The following ADAMTS6 variants were observed in gnomAD, a reference collection of about 807,000 sequenced individuals.
ADAMTS6 encodes A disintegrin and metalloproteinase with thrombospondin motifs 6.
Under a neutral mutation model 144.3 loss-of-function variants are expected in ADAMTS6, and 23 were observed. The observed-to-expected ratio is 0.16, with a 90% CI of 0.11 to 0.23. The LOEUF is 0.23. Among genes scored for constraint, ADAMTS6 ranks in the 10% least tolerant of loss-of-function variants. The probability of loss-of-function intolerance (pLI) is 1.00; values close to 1 mark genes in which losing one functional copy is unlikely to be tolerated. For synonymous variants in ADAMTS6, 444 were observed against 457.5 expected (o/e 0.97, Z 0.38); for missense variants, 999 against 1,379.6 (o/e 0.72, Z 4.37).
chr5:65,478,087 AC>A (rs1411834788), intron 1 of ADAMTS6, among the ~76,000 whole-genome samples: 1 of 151,968 alleles, frequency 6.6e-6, no homozygotes, highest in African/African-American at 2.4e-5. Context: ...AGATCACGCC[AC>A]TGCACTGCAG....
chr5:65,415,156 T>C (rs1036241393), intron 7 of ADAMTS6, among the ~76,000 whole-genome samples: 6 of 152,032 alleles, frequency 3.9e-5, no homozygotes, highest in African/African-American at 1.4e-4. Context: ...AATAACTCAA[T>C]CAAGAAATGA....
Position 65,480,984 on chromosome 5 carries a change from C to T in ADAMTS6, c.-280+359G>A, listed in dbSNP as rs33393. 1.5e-3 allele frequency among the ~76,000 whole-genome samples: 224 copies of T among 152,192 alleles called. 3 individuals are homozygous for T. In the East Asian group the frequency reaches 0.039, roughly 27 times the overall value. On this transcript the variant is annotated intron_variant, in intron 1 of 24. Coordinates refer to ENST00000381055, the MANE Select transcript of ADAMTS6 (RefSeq NM_197941.4). The stretch of plus-strand genomic sequence containing the variant: ...AAGAAAACTGGAAATCAATTTAAAA[C>T]ACACACATCATTATTACCTTCCGGA...
Position 65,471,154 on chromosome 5 carries a change from C to T in ADAMTS6, c.98-12G>A, listed in dbSNP as rs761048528. On this transcript the variant is annotated splice_polypyrimidine_tract_variant and intron_variant, in intron 2 of 24. Transcript: ENST00000381055. The stretch of plus-strand genomic sequence containing the variant: ...AGTCAGGAATTCCTCTTTGTAATCA[C>T]AAGGCAGAGAATCCAGAAAAAAAAC... 9.0e-6 allele frequency: 14 copies of T among 1,563,952 alleles called. No homozygotes were observed. In the East Asian group the frequency reaches 3.0e-4, roughly 34 times the overall value.
intron 23 of ADAMTS6, 21 bp from the exon 24 acceptor site, chr5:65,170,794 A>T: frequency 1.2e-6 from 2 of 1,600,984 alleles, no homozygotes; most frequent in Non-Finnish European, 1.7e-6. Context: ...AGACACAAAG[A>T]AACAAAATAT....
chr5:65,434,800 G>A (rs1414446113), intron 7 of ADAMTS6, among the ~76,000 whole-genome samples: 3 of 152,126 alleles, frequency 2.0e-5, no homozygotes, highest in Non-Finnish European at 2.9e-5. Flanking sequence ...CATGTGAATT[G>A]GTAAAATCAC....
At chr5:65,209,694 G>A (rs903366002) in intron 20 of ADAMTS6, among the ~76,000 whole-genome samples, 1 of 152,156 alleles carries the variant, frequency 6.6e-6, no homozygotes, top group African/African-American at 2.4e-5. Flanking sequence ...TAAAACATAT[G>A]CAGGAAAATA....
In ADAMTS6 at chr5:65,226,075, A is replaced by T. The variant is rs766181880; in HGVS notation, c.2067+11T>A. The T allele has an allele frequency of 1.3e-6, 2 of 1,598,354 alleles. No individual in the cohort carries two copies. Among genetic ancestry groups the T allele is most frequent in the Non-Finnish European group, 1.7e-6 (2 of 1,171,020 alleles). The stretch of plus-strand genomic sequence containing the variant: ...AAAAACCCCAACAGAAAGGAGTAAA[A>T]TCTGAGCAACCTTGCATTCTCCATT... On this transcript the variant is annotated intron_variant, in intron 16 of 24. Coordinates refer to ENST00000381055, the MANE Select transcript of ADAMTS6 (RefSeq NM_197941.4).
chr5:65,281,377 T>A (rs933623788), intron 11 of ADAMTS6, among the ~76,000 whole-genome samples: 2 of 152,164 alleles, frequency 1.3e-5, no homozygotes, highest in African/African-American at 4.8e-5. Context: ...CCCTCCTATT[T>A]TTTACTTTGA....
chr5:65,211,930 C>T (rs1240615377), intron 20 of ADAMTS6, among the ~76,000 whole-genome samples: 2 of 152,094 alleles, frequency 1.3e-5, no homozygotes, highest in Non-Finnish European at 2.9e-5. Flanking sequence ...GTTCTAGGGG[C>T]AAAATGAGTT....
intron 7 of ADAMTS6, among the ~76,000 whole-genome samples, chr5:65,430,816 T>C (rs1240541165): frequency 6.6e-6 from 1 of 152,184 alleles, no homozygotes; most frequent in Non-Finnish European, 1.5e-5. Flanking sequence ...ACACATGCCA[T>C]TGTTATTCTT....
chr5:65,210,050 G>T (rs1756390244), intron 20 of ADAMTS6: 2 of 219,546 alleles, frequency 9.1e-6, no homozygotes, highest in South Asian at 7.6e-5. Flanking sequence ...ATACGCACAT[G>T]AACTGCCAAA....
chr5:65,179,956 GCGCACACACACACACACA>G (rs1754239966), intron 22 of ADAMTS6, among the ~76,000 whole-genome samples: 1 of 142,286 alleles, frequency 7.0e-6, no homozygotes, highest in Admixed American at 6.8e-5. Flanking sequence ...GTGCACGCAC[GCGCACACACACACACACA>G]CACACACATC....
At chr5:65,238,472 C>G (rs540370299) in intron 15 of ADAMTS6, among the ~76,000 whole-genome samples, 1 of 151,718 alleles carries the variant, frequency 6.6e-6, no homozygotes, top group African/African-American at 2.4e-5. Context: ...TGACAGTGTG[C>G]GCCTGTAGTC....
intron 7 of ADAMTS6, among the ~76,000 whole-genome samples, chr5:65,402,382 A>G (rs1753995881): frequency 6.6e-6 from 1 of 152,188 alleles, no homozygotes; most frequent in African/African-American, 2.4e-5. Context: ...ATTTCACTTT[A>G]AAATCAACAA....
chr5:65,166,951 C>A, intron 24 of ADAMTS6, among the ~76,000 whole-genome samples: 2 of 143,432 alleles, frequency 1.4e-5, no homozygotes, highest in Admixed American at 7.0e-5. Flanking sequence ...AAATTGACAC[C>A]CTAACATCAC....
intron 20 of ADAMTS6, among the ~76,000 whole-genome samples, chr5:65,209,456 A>G (rs1331230522): frequency 1.3e-5 from 2 of 152,200 alleles, no homozygotes; most frequent in Non-Finnish European, 2.9e-5. Flanking sequence ...ACAACACCCC[A>G]TAGCATCTCA....
chr5:65,180,458 AC>A (rs990138858), intron 22 of ADAMTS6, among the ~76,000 whole-genome samples: 3 of 152,058 alleles, frequency 2.0e-5, no homozygotes, highest in African/African-American at 7.3e-5. Context: ...GCCTCACTCT[AC>A]CCCTACAATC....
intron 7 of ADAMTS6, among the ~76,000 whole-genome samples, chr5:65,409,576 G>A (rs1377788850): frequency 6.6e-6 from 1 of 152,144 alleles, no homozygotes; most frequent in East Asian, 1.9e-4. Flanking sequence ...GGTACAAGGA[G>A]GAGTTGGTAC....
intron 22 of ADAMTS6, among the ~76,000 whole-genome samples, chr5:65,180,370 A>G (rs1754269418): frequency 6.6e-6 from 1 of 152,170 alleles, no homozygotes; most frequent in African/African-American, 2.4e-5. Flanking sequence ...TTAGTTAGGG[A>G]GTGAAGATCA....
Sources: gnomAD v4.1 joint callset for allele counts (sites outside exome capture counted in the v4.1 genomes callset) on GRCh38, gnomAD v4.1.1 for gene constraint, MANE v1.5 for transcripts, NCBI Gene and HGNC (gene_info 2026-07-23, HGNC 2026-07-21) for gene names.